Variants in MYCBP2 observed in about 807,000 individuals in gnomAD.
MYCBP2 encodes E3 ubiquitin-protein ligase MYCBP2.
A neutral mutation model predicts 525.3 loss-of-function variants in MYCBP2; 120 were observed. The ratio of observed to expected loss-of-function variants is 0.23; its 90% CI spans 0.20 to 0.27. MYCBP2 has a LOEUF of 0.27. Among genes scored for constraint, MYCBP2 ranks in the 10% least tolerant of loss-of-function variants. The pLI, the probability that MYCBP2 is intolerant of heterozygous loss-of-function variation, is 1.00. For missense variants in MYCBP2, 4,149 were observed against 5,657.1 expected (o/e 0.73, Z 8.55); for synonymous variants, 1,894 against 1,955.8 (o/e 0.97, Z 0.83).
chr13:77,233,245 C>G lies in MYCBP2; in HGVS notation c.2648G>C (p.Gly883Ala). 6.2e-7 allele frequency: 1 copy of G among 1,613,100 alleles called. No homozygotes were observed. The highest frequency in any genetic ancestry group is 8.5e-7 in the Non-Finnish European group (1 of 1,179,496). The change falls in exon 18 of 83, where the codon GGT (glycine) becomes GCT (alanine). Residue 883 changes from glycine to alanine, a missense_variant. Around this residue, in one of 21 missense-constraint regions of MYCBP2, gnomAD observed 620 missense variants for 795.5 expected, o/e 0.78. Transcript: ENST00000544440. The part of the protein sequence containing the change: ...EEGRGPLVFA[G>A]PIFMNHREQA... ...TTCTCGATGGTTCATAAAAATAGGACCAGCAAATACAAGGGGGCCTGAGGA... is the reference window on the plus strand; with the variant it reads ...TTCTCGATGGTTCATAAAAATAGGAGCAGCAAATACAAGGGGGCCTGAGGA...
At chr13:77,201,677 AATTATAACAAACTGTCTCTC>A (rs1489603511) in intron 26 of MYCBP2, among the ~76,000 whole-genome samples, 1 of 151,638 alleles carries the variant, frequency 6.6e-6, no homozygotes, top group African/African-American at 2.4e-5. Flanking sequence ...AAAGAACAGA[AATTATAACAAACTGTCTCTC>A]AGACCACAGT....
At chr13:77,283,893 G>A (rs1326794620) in intron 3 of MYCBP2, among the ~76,000 whole-genome samples, 2 of 152,046 alleles carry the variant, frequency 1.3e-5, no homozygotes, top group African/African-American at 4.8e-5. Flanking sequence ...GCCAGACCCT[G>A]TCTCAAAATG....
intron 44 of MYCBP2, among the ~76,000 whole-genome samples, chr13:77,160,239 C>T (rs993041976): frequency 3.3e-5 from 5 of 152,044 alleles, no homozygotes; most frequent in Non-Finnish European, 7.4e-5. Context: ...GCTAATGAGA[C>T]GGGGTTTCTT....
chr13:77,068,220 A>G (rs762781970), intron 70 of MYCBP2, among the ~76,000 whole-genome samples: 1 of 152,216 alleles, frequency 6.6e-6, no homozygotes, highest in Admixed American at 6.5e-5. Flanking sequence ...TACTATTCAA[A>G]TGGTAATAGT....
At chr13:77,227,343 TAA>T (rs548646689) in intron 18 of MYCBP2, among the ~76,000 whole-genome samples, 26 of 85,292 alleles carry the variant, frequency 3.0e-4, no homozygotes, top group East Asian at 1.6e-3. Context: ...ATGGATGGAC[TAA>T]AAAAAAAAAA....
intron 49 of MYCBP2, among the ~76,000 whole-genome samples, chr13:77,142,044 A>G (rs921598930): frequency 4.6e-5 from 7 of 152,134 alleles, no homozygotes; most frequent in Non-Finnish European, 8.8e-5. Context: ...TTTCTTATCT[A>G]ATTTGTATCA....
At chr13:77,311,449 A>T (rs940846920) in intron 1 of MYCBP2, among the ~76,000 whole-genome samples, 7 of 152,202 alleles carry the variant, frequency 4.6e-5, no homozygotes, top group Non-Finnish European at 7.3e-5. Flanking sequence ...CACATGTTGT[A>T]ATTATCCAAC....
chr13:77,294,141 T>TATATACATATATATATAC (rs1460788828), intron 2 of MYCBP2, among the ~76,000 whole-genome samples: 2 of 130,898 alleles, frequency 1.5e-5, no homozygotes, highest in African/African-American at 2.8e-5. Context: ...CATATATATA[T>TATATACATATATATATAC]ACATATATAT....
At chr13:77,146,509 G>A (rs541296347) in intron 47 of MYCBP2, among the ~76,000 whole-genome samples, 9 of 151,362 alleles carry the variant, frequency 5.9e-5, no homozygotes, top group Admixed American at 1.3e-4. Flanking sequence ...TATACAGAAA[G>A]GAAAAGCTTC....
intron 18 of MYCBP2, among the ~76,000 whole-genome samples, chr13:77,226,240 C>G (rs923311189): frequency 1.7e-4 from 26 of 152,110 alleles, no homozygotes; most frequent in African/African-American, 6.3e-4. Context: ...TTCTTTCCTC[C>G]TCCCTTCTCA....
At chr13:77,186,624 T>C (rs1318085825) in intron 30 of MYCBP2, among the ~76,000 whole-genome samples, 1 of 152,020 alleles carries the variant, frequency 6.6e-6, no homozygotes, top group Non-Finnish European at 1.5e-5. Context: ...AAATTCCTAT[T>C]TTGATTATTT....
At chr13:77,090,462 T>G (rs2045206490) in intron 59 of MYCBP2, 199 bp from the exon 60 acceptor site, 1 of 382,424 alleles carries the variant, frequency 2.6e-6, no homozygotes, top group African/African-American at 2.1e-5. Context: ...CATTGTACCT[T>G]AAAACTTATG....
At chr13:77,234,697 A>G (rs562575414) in intron 17 of MYCBP2, among the ~76,000 whole-genome samples, 2 of 152,160 alleles carry the variant, frequency 1.3e-5, no homozygotes, top group Non-Finnish European at 2.9e-5. Context: ...AATAAAATTG[A>G]TATTTCAAAT....
chr13:77,143,180 C>T (rs1361553026), intron 49 of MYCBP2, among the ~76,000 whole-genome samples: 2 of 152,122 alleles, frequency 1.3e-5, no homozygotes, highest in African/African-American at 4.8e-5. Context: ...TCTAGGTGTC[C>T]ACTTGACTGG....
intron 58 of MYCBP2, among the ~76,000 whole-genome samples, 153 bp from the exon 59 acceptor site, chr13:77,093,485 A>G (rs2045757321): frequency 6.6e-6 from 1 of 152,190 alleles, no homozygotes; most frequent in South Asian, 2.1e-4. Context: ...GTGAAAATAA[A>G]AGTCTGATAA....
intron 17 of MYCBP2, among the ~76,000 whole-genome samples, chr13:77,241,068 A>G (rs1023339310): frequency 6.6e-6 from 1 of 152,202 alleles, no homozygotes; most frequent in Non-Finnish European, 1.5e-5. Context: ...TTGGAAAGTC[A>G]GATACAACAA....
intron 8 of MYCBP2, 79 bp from the exon 9 acceptor site, chr13:77,264,081 A>C (rs192379650): frequency 1.8e-6 from 2 of 1,105,370 alleles, no homozygotes; most frequent in African/African-American, 3.2e-5. Context: ...GTTGAAGTCA[A>C]AATGAGAGTT....
chr13:77,139,044 A>G, intron 52 of MYCBP2, 152 bp downstream of exon 52: 1 of 818,272 alleles, frequency 1.2e-6, no homozygotes, highest in Non-Finnish European at 1.8e-6. Context: ...CTTCACTTTC[A>G]TTACACAGAA....
In MYCBP2 at chr13:77,270,078, A is replaced by G; in HGVS notation, c.1189-15T>C. 2 of 1,588,354 alleles carry G rather than the reference A, an allele frequency of 1.3e-6. No individual in the cohort carries two copies. Among genetic ancestry groups the G allele is most frequent in the Non-Finnish European group, 1.7e-6 (2 of 1,168,322 alleles). ...TATATATGGCCCTGCAAAAAAAACAAAAGTTAGTATATCAGTGGTTTCATA... is the reference window on the plus strand; with the variant it reads ...TATATATGGCCCTGCAAAAAAAACAGAAGTTAGTATATCAGTGGTTTCATA... On this transcript the variant is annotated splice_polypyrimidine_tract_variant and intron_variant, in intron 6 of 82. Coordinates refer to ENST00000544440, the MANE Select transcript of MYCBP2 (RefSeq NM_015057.5).
Sources: gnomAD v4.1 joint callset for allele counts (sites outside exome capture counted in the v4.1 genomes callset) on GRCh38, gnomAD v4.1.1 for gene constraint, gnomAD v4.1.1 regional missense constraint, MANE v1.5 for transcripts, NCBI Gene and HGNC (gene_info 2026-07-23, HGNC 2026-07-21) for gene names.